Variants in IGFBP7 observed in about 807,000 individuals in gnomAD.
The protein encoded by IGFBP7 is insulin like growth factor binding protein 7, also known as insulin-like growth factor-binding protein 7.
A neutral mutation model predicts 29.4 loss-of-function variants in IGFBP7; 31 were observed. The observed-to-expected ratio is 1.05, with a 90% CI of 0.79 to 1.42. IGFBP7 has a LOEUF of 1.42. Among genes scored for constraint, IGFBP7 ranks in the 40% most tolerant of loss-of-function variants. The pLI, the probability that IGFBP7 is intolerant of heterozygous loss-of-function variation, is 0.00. For missense variants in IGFBP7, 393 were observed against 395.5 expected (o/e 0.99, Z 0.05); for synonymous variants, 172 against 174.9 (o/e 0.98, Z 0.13).
At position 57,110,219 on chromosome 4, in the gene IGFBP7, G is replaced by A. The variant is rs1726159137; in HGVS notation, c.133C>T (p.Pro45Ser). ...CEPASCPPLP[P>S]LGCLLGETRD... ...GTCTCGCCCAGCAGGCAGCCCAGCG[G>A]GGGCAGGGGCGGGCAGGAGGCCGGC... The change falls in exon 1 of 5, where the codon CCG (proline) becomes TCG (serine). Residue 45 changes from proline (P) to serine (S), a missense_variant. By Grantham distance (74) the Pro-to-Ser change is moderately conservative (BLOSUM62 -1). Coordinates refer to ENST00000295666, the MANE Select transcript of IGFBP7 (RefSeq NM_001553.3). 1 of 1,370,804 alleles carries A rather than the reference G, an allele frequency of 7.3e-7. No individual in the cohort carries two copies. The highest frequency in any genetic ancestry group is 9.4e-7 in the Non-Finnish European group (1 of 1,068,650). 84.9% of individuals were successfully genotyped at this position (1,370,804 alleles called of 1,614,324 possible). A position where few individuals can be genotyped will look rare whatever the true frequency, so the allele number is the denominator to read the frequency against.
chr4:57,068,978 G>A (rs1308875807), intron 1 of IGFBP7, among the ~76,000 whole-genome samples: 1 of 152,170 alleles, frequency 6.6e-6, no homozygotes, highest in African/African-American at 2.4e-5. Flanking sequence ...TGTGAAAGTG[G>A]TAAGGAAGCC....
At chr4:57,079,999 C>G (rs1725325069) in intron 1 of IGFBP7, among the ~76,000 whole-genome samples, 1 of 152,128 alleles carries the variant, frequency 6.6e-6, no homozygotes, top group Non-Finnish European at 1.5e-5. Flanking sequence ...AATCACAGAG[C>G]ACATGGGAAG....
In IGFBP7 at chr4:57,087,726, A is replaced by G. The variant is rs138066188; in HGVS notation, c.475+22151T>C. Among the ~76,000 whole-genome samples the G allele has an allele frequency of 3.1e-3, 470 of 152,350 alleles. 2 individuals are homozygous for G. Among genetic ancestry groups the G allele is most frequent in the Middle Eastern group, 6.8e-3 (2 of 294 alleles). ...AGGCCTAACAGTTACAAAGGCTTTC[A>G]AATCTGTGACTTCGTTTATTTCCAT... On this transcript the variant is annotated intron_variant, in intron 1 of 4. Coordinates refer to ENST00000295666, the MANE Select transcript of IGFBP7 (RefSeq NM_001553.3).
chr4:57,080,081 T>TG (rs1394874779), intron 1 of IGFBP7, among the ~76,000 whole-genome samples: 3 of 152,186 alleles, frequency 2.0e-5, no homozygotes, highest in African/African-American at 7.2e-5. Flanking sequence ...GTTTTCTGAG[T>TG]GATGGCCTAT....
At chr4:57,035,014 G>T (rs189279444) in intron 2 of IGFBP7, among the ~76,000 whole-genome samples, 1 of 152,328 alleles carries the variant, frequency 6.6e-6, no homozygotes, top group African/African-American at 2.4e-5. Context: ...TTTGGTAGAA[G>T]TATTAATTTG....
At chr4:57,069,741 C>T (rs148186488) in intron 1 of IGFBP7, among the ~76,000 whole-genome samples, 7 of 152,246 alleles carry the variant, frequency 4.6e-5, no homozygotes, top group Non-Finnish European at 1.0e-4. Context: ...AGAAACTTCT[C>T]ATTATTGAGA....
rs139086128 is a variant in IGFBP7 at position 57,033,214 on chromosome 4, T to C, written c.683A>G (p.Glu228Gly). The stretch of plus-strand genomic sequence containing the variant: ...ACTCACCAGCACCCAGCCAGTTACT[T>C]CATGCTTTTCTGGGCCACCCCGGGT... ...IQTRGGPEKH[E>G]VTGWVLVSPL... Residue 228 changes from glutamate to glycine, a missense_variant, in exon 3 of 5, where the codon GAA (glutamate) becomes GGA (glycine). Transcript: ENST00000295666. The C allele has an allele frequency of 1.9e-4, 301 of 1,613,004 alleles. 1 individual carries two copies. The highest frequency in any genetic ancestry group is 9.7e-5 in the Non-Finnish European group (114 of 1,179,056).
chr4:57,104,536 T>C (rs183932465), intron 1 of IGFBP7, among the ~76,000 whole-genome samples: 3 of 152,340 alleles, frequency 2.0e-5, no homozygotes, highest in Admixed American at 1.3e-4. Context: ...TACTGAAGGA[T>C]AGTAGAACAT....
chr4:57,032,562 A>G lies in IGFBP7; in HGVS notation c.703-10T>C, dbSNP rs11573127. On this transcript the variant is annotated splice_polypyrimidine_tract_variant and intron_variant, in intron 3 of 4. Transcript: ENST00000295666. ...TACTTAGAGGAGATACCTGTGAAAG[A>G]AAAAAGATCTAGTATTCCTCTGTGG... 6.2e-3 allele frequency: 9,855 copies of G among 1,602,276 alleles called. 47 individuals are homozygous for G. The highest frequency in any genetic ancestry group is 7.8e-3 in the Non-Finnish European group (9,064 of 1,169,182).
intron 1 of IGFBP7, among the ~76,000 whole-genome samples, chr4:57,084,774 G>A (rs1320307532): frequency 2.0e-4 from 26 of 128,744 alleles, no homozygotes; most frequent in African/African-American, 7.0e-4. Context: ...TTTTTACTCA[G>A]ATGTTTAAAA....
At chr4:57,064,568 C>A (rs1724874900) in intron 1 of IGFBP7, among the ~76,000 whole-genome samples, 1 of 152,184 alleles carries the variant, frequency 6.6e-6, no homozygotes, top group Non-Finnish European at 1.5e-5. Flanking sequence ...AGAGGGAAAT[C>A]TCTTGCTAAG....
At chr4:57,073,124 G>A (rs1725099702) in intron 1 of IGFBP7, 3 of 1,596,568 alleles carry the variant, frequency 1.9e-6, no homozygotes, top group South Asian at 1.1e-5. Flanking sequence ...CACCAGCCAG[G>A]AGCCCTGACC....
intron 3 of IGFBP7, 106 bp downstream of exon 3, chr4:57,033,089 A>G: frequency 1.2e-6 from 1 of 818,794 alleles, no homozygotes; most frequent in East Asian, 2.4e-5. Flanking sequence ...CAGATGTGGA[A>G]GAGCAAGCAC....
chr4:57,105,952 G>A (rs937419031), intron 1 of IGFBP7, among the ~76,000 whole-genome samples: 11 of 139,418 alleles, frequency 7.9e-5, no homozygotes, highest in Non-Finnish European at 1.7e-4. Context: ...TTTTGCCCAG[G>A]CAGGAGTGCA....
intron 3 of IGFBP7, among the ~76,000 whole-genome samples, chr4:57,032,811 T>G (rs191713871): frequency 2.0e-5 from 3 of 152,376 alleles, no homozygotes; most frequent in Admixed American, 2.0e-4. Flanking sequence ...GTACACATTA[T>G]CGGTTTAAGG....
At chr4:57,059,473 T>A (rs1724746674) in intron 1 of IGFBP7, among the ~76,000 whole-genome samples, 1 of 152,166 alleles carries the variant, frequency 6.6e-6, no homozygotes, top group Non-Finnish European at 1.5e-5. Flanking sequence ...GAGGCCATTA[T>A]CCTCAGCAAA....
rs1016024007 is a variant in IGFBP7 at position 57,110,382 on chromosome 4, G to C, written c.-31C>G. 2.9e-5 allele frequency: 38 copies of C among 1,298,272 alleles called. No homozygotes were observed. Among genetic ancestry groups the C allele is most frequent in the Non-Finnish European group, 3.2e-5 (33 of 1,026,334 alleles). The allele number at this position is 1,298,272 out of a possible 1,614,324, so 80.4% of individuals were successfully genotyped here. ...GGTGCGGTGGCAGCGGCAAGGGCGC[G>C]AGTGAGCCGTGTCGGGCCGGCCGGC... On this transcript the variant is annotated 5_prime_UTR_variant, in exon 1 of 5. Coordinates refer to ENST00000295666, the MANE Select transcript of IGFBP7 (RefSeq NM_001553.3).
intron 1 of IGFBP7, among the ~76,000 whole-genome samples, chr4:57,067,593 C>T (rs1369166918): frequency 1.3e-5 from 2 of 152,060 alleles, no homozygotes; most frequent in East Asian, 3.9e-4. Flanking sequence ...ATTCTAGAGA[C>T]CTGCTGTACA....
intron 1 of IGFBP7, among the ~76,000 whole-genome samples, chr4:57,106,864 T>C (rs184774142): frequency 6.6e-6 from 1 of 152,330 alleles, no homozygotes; most frequent in East Asian, 1.9e-4. Context: ...TTAAATGGAA[T>C]CTTCAAATTC....
Sources: gnomAD v4.1 joint callset for allele counts (sites outside exome capture counted in the v4.1 genomes callset) on GRCh38, gnomAD v4.1.1 for gene constraint, MANE v1.5 for transcripts, NCBI Gene and HGNC (gene_info 2026-07-23, HGNC 2026-07-21) for gene names.